SLC30A10: variants seen among roughly 807,000 people sequenced by gnomAD.
The protein encoded by SLC30A10 is solute carrier family 30 member 10.
Under a neutral mutation model 21.7 loss-of-function variants are expected in SLC30A10, and 8 were observed. The ratio of observed to expected loss-of-function variants is 0.37; its 90% CI spans 0.22 to 0.67. The LOEUF is 0.67. Ranked by LOEUF, SLC30A10 falls within the 30% of genes least tolerant of loss-of-function variation. The probability of loss-of-function intolerance (pLI) is 0.58; values close to 1 mark genes in which losing one functional copy is unlikely to be tolerated. For missense variants in SLC30A10, 521 were observed against 642.5 expected, an observed-to-expected ratio of 0.81 and a Z score of 2.04; for synonymous variants, 272 against 279.4, an observed-to-expected ratio of 0.97 and a Z score of 0.26.
Position 219,911,149 on chromosome 1 carries a change from G to GTTTTTTTTTTTTTTTTTTTTTTTT in SLC30A10, c.*4276_*4299dup. ...ATGTTTCTTCATTTTTTCTACATCA[G>GTTTTTTTTTTTTTTTTTTTTTTTT]TTTTTTTTTTTTTTTTTTTTTTTTT... On this transcript the variant is annotated 3_prime_UTR_variant, in exon 4 of 4. Coordinates refer to ENST00000366926, the MANE Select transcript of SLC30A10 (RefSeq NM_018713.3). Among the ~76,000 whole-genome samples, 46 of 49,410 alleles carry GTTTTTTTTTTTTTTTTTTTTTTTT rather than the reference G, an allele frequency of 9.3e-4. 4 individuals carry two copies. Among genetic ancestry groups the GTTTTTTTTTTTTTTTTTTTTTTTT allele is most frequent in the East Asian group, 2.5e-3 (3 of 1,184 alleles). 32.4% of individuals were successfully genotyped at this position (49,410 alleles called of 152,430 possible).
At chr1:219,919,548 G>A (rs1406920829) in intron 2 of SLC30A10, among the ~76,000 whole-genome samples, 1 of 152,080 alleles carries the variant, frequency 6.6e-6, no homozygotes, top group Non-Finnish European at 1.5e-5. Context: ...GGCCAAGGCA[G>A]GTAGATCATC....
chr1:219,927,629 TG>T (rs1470472013), intron 1 of SLC30A10, among the ~76,000 whole-genome samples, 171 bp downstream of exon 1: 17 of 91,672 alleles, frequency 1.9e-4, no homozygotes, highest in African/African-American at 7.0e-4. Context: ...GTAAAGGGAA[TG>T]GATTTATTAA....
intron 1 of SLC30A10, among the ~76,000 whole-genome samples, chr1:219,937,267 G>A (rs1274379705): frequency 6.6e-6 from 1 of 152,102 alleles, no homozygotes; most frequent in Non-Finnish European, 1.5e-5. Context: ...ATGCCTGTGG[G>A]ATTCTTTCTT....
intron 1 of SLC30A10, among the ~76,000 whole-genome samples, chr1:219,956,704 A>G (rs756009114): frequency 9.2e-5 from 14 of 151,950 alleles, no homozygotes; most frequent in Non-Finnish European, 1.6e-4. Flanking sequence ...AGAAACCCAT[A>G]TGGTTGGAGT....
At chr1:219,950,072 G>C (rs1558261208) in intron 1 of SLC30A10, among the ~76,000 whole-genome samples, 1 of 152,170 alleles carries the variant, frequency 6.6e-6, no homozygotes, top group Non-Finnish European at 1.5e-5. Flanking sequence ...ACTATCTGTT[G>C]ACAGAAGAGA....
At chr1:219,923,093 A>T (rs1444579707) in intron 2 of SLC30A10, among the ~76,000 whole-genome samples, 1 of 152,210 alleles carries the variant, frequency 6.6e-6, no homozygotes, top group Non-Finnish European at 1.5e-5. Context: ...AGAAAGGAGT[A>T]TTGGCACCGG....
intron 1 of SLC30A10, among the ~76,000 whole-genome samples, chr1:219,945,844 G>T (rs368224185): frequency 6.6e-6 from 1 of 152,152 alleles, no homozygotes; most frequent in Non-Finnish European, 1.5e-5. Flanking sequence ...TGAAAGTCTT[G>T]GTGCTAAACT....
chr1:219,938,899 T>C (rs1389448543), intron 1 of SLC30A10, among the ~76,000 whole-genome samples: 2 of 152,194 alleles, frequency 1.3e-5, no homozygotes, highest in Non-Finnish European at 2.9e-5. Flanking sequence ...AGGCAGTATT[T>C]CAACCTTGGC....
Position 219,928,552 on chromosome 1 carries a change from C to A in SLC30A10, c.-112G>T. ...TCCGTGAGGCCCGGTACCCGCCTCC[C>A]AGATTGTCTCGCCGGCCCTGCCCCA... On this transcript the variant is annotated 5_prime_UTR_variant, in exon 1 of 4. Transcript: ENST00000366926. This position sits in a 1 kb window ranked among gnomAD's most constrained non-coding sequence, Gnocchi z 6.3. The A allele has an allele frequency of 2.0e-6, 2 of 1,024,180 alleles. No individual in the cohort carries two copies. The highest frequency in any genetic ancestry group is 2.0e-5 in the South Asian group (1 of 51,126). 63.4% of individuals were successfully genotyped at this position (1,024,180 alleles called of 1,614,324 possible). A position where few individuals can be genotyped will look rare whatever the true frequency, so the allele number is the denominator to read the frequency against.
Position 219,945,270 on chromosome 1 carries a change from T to A in SLC30A10, n.80+13298A>T, listed in dbSNP as rs115853879. On this transcript the variant is annotated intron_variant and non_coding_transcript_variant, in intron 1 of 8. Transcript: ENST00000484239. ...TGATGGTTATACAGAACTACACTTG[T>A]GACAAAAATCTCGTAGAATTATATA... 6.6e-3 allele frequency among the ~76,000 whole-genome samples: 1,000 copies of A among 152,334 alleles called. 10 individuals carry two copies. Among genetic ancestry groups the A allele is most frequent in the African/African-American group, 0.023 (947 of 41,570 alleles).
At position 219,918,559 on chromosome 1, in the gene SLC30A10, T is replaced by C; in HGVS notation, c.719-65A>G. 6.6e-7 allele frequency: 1 copy of C among 1,515,190 alleles called. No homozygotes were observed. Among genetic ancestry groups the C allele is most frequent in the Non-Finnish European group, 8.8e-7 (1 of 1,132,276 alleles). The allele number at this position is 1,515,190 out of a possible 1,614,324, so 93.9% of individuals were successfully genotyped here. Reference sequence around the variant, plus strand: ...TGGAAGCCACGTGACACTCACTGACTTGGGTGTCCGGGTATATGAATATCT... The same window carrying C: ...TGGAAGCCACGTGACACTCACTGACCTGGGTGTCCGGGTATATGAATATCT... On this transcript the variant is annotated intron_variant, in intron 2 of 3. Transcript: ENST00000366926. The surrounding 1 kb of genome is among the most constrained non-coding windows in gnomAD (Gnocchi z 4.4).
At position 219,910,947 on chromosome 1, in the gene SLC30A10, C is replaced by T. The variant is rs1300345696; in HGVS notation, c.*4502G>A. Among the ~76,000 whole-genome samples, 1 of 152,184 alleles carries T rather than the reference C, an allele frequency of 6.6e-6. No individual in the cohort carries two copies. Among genetic ancestry groups the T allele is most frequent in the Non-Finnish European group, 1.5e-5 (1 of 68,018 alleles). Reference sequence around the variant, plus strand: ...TTACATTGAGGATTATCTTTCAATGCAATTTCCACTTGAGAAACTAAATTC... The same window carrying T: ...TTACATTGAGGATTATCTTTCAATGTAATTTCCACTTGAGAAACTAAATTC... On this transcript the variant is annotated 3_prime_UTR_variant, in exon 4 of 4. Coordinates refer to ENST00000366926, the MANE Select transcript of SLC30A10 (RefSeq NM_018713.3).
chr1:219,920,455 A>T (rs1257551365), intron 2 of SLC30A10, among the ~76,000 whole-genome samples: 1 of 152,196 alleles, frequency 6.6e-6, no homozygotes, highest in Non-Finnish European at 1.5e-5. Flanking sequence ...TGTCTCATAC[A>T]TGTTAGGTCC....
intron 1 of SLC30A10, among the ~76,000 whole-genome samples, chr1:219,949,216 A>G (rs543041545): frequency 7.4e-4 from 113 of 152,332 alleles, no homozygotes; most frequent in Non-Finnish European, 1.3e-3. Context: ...TCAGGGATCT[A>G]GAACTAGAAA....
rs1193507629 is a variant in SLC30A10 at position 219,927,875 on chromosome 1, G to A, written c.566C>T (p.Ser189Leu). ...AADPTAPGSDSAVTLRGTSVE... is the reference protein window; with the variant it reads ...AADPTAPGSDLAVTLRGTSVE... ...CGAGGTCCCCCGGAGGGTTACGGCC[G>A]AGTCCGAGCCTGGGGCTGTCGGGTC... Residue 189 changes from serine (S) to leucine (L), a missense_variant, in exon 1 of 4, where the codon TCG becomes TTG. Transcript: ENST00000366926. The A allele has an allele frequency of 6.5e-7, 1 of 1,543,328 alleles. No homozygotes were observed.
rs1481309501 is a variant in SLC30A10, at chr1:219,918,678, G to A, written c.719-184C>T. On this transcript the variant is annotated intron_variant, in intron 2 of 3. Transcript: ENST00000366926. The surrounding 1 kb of genome is among the most constrained non-coding windows in gnomAD (Gnocchi z 4.4). ...TACTTCTTAGGAAACAAAACCCCAG[G>A]CCACCATCGCAGGACTCAGAGTACC... 8.0e-6 allele frequency: 5 copies of A among 626,984 alleles called. No homozygotes were observed. Among genetic ancestry groups the A allele is most frequent in the African/African-American group, 1.9e-5 (1 of 53,486 alleles). The allele number at this position is 626,984 out of a possible 1,614,324, so 38.8% of individuals were successfully genotyped here.
At chr1:219,933,507 G>A (rs1186187285), upstream of SLC30A10, among the ~76,000 whole-genome samples, 1 of 152,142 alleles carries the variant, frequency 6.6e-6, no homozygotes, top group Non-Finnish European at 1.5e-5. Context: ...TGTGACCTGG[G>A]GGACACGTTC....
intron 3 of SLC30A10, among the ~76,000 whole-genome samples, chr1:219,916,303 A>G (rs1318863713): frequency 6.6e-6 from 1 of 152,246 alleles, no homozygotes; most frequent in Non-Finnish European, 1.5e-5. Flanking sequence ...GATCAAAAAA[A>G]ACCTTTCCTA....
At chr1:219,916,458 T>C (rs1034416430) in intron 3 of SLC30A10, among the ~76,000 whole-genome samples, 1 of 152,228 alleles carries the variant, frequency 6.6e-6, no homozygotes, top group Non-Finnish European at 1.5e-5. Flanking sequence ...GAATAGGATA[T>C]AGTTGTTTAA....
Sources: allele counts gnomAD v4.1 joint callset (sites outside exome capture counted in the v4.1 genomes callset), GRCh38; gene constraint gnomAD v4.1.1; non-coding constraint Gnocchi (gnomAD v3.1); transcripts MANE v1.5; gene names NCBI Gene and HGNC (gene_info 2026-07-23, HGNC 2026-07-21).